EXOC6: variants seen among roughly 807,000 people sequenced by gnomAD.
EXOC6 encodes SEC15-like 1.
EXOC6 carries 60 observed loss-of-function variants against 112.5 expected under a neutral mutation model. That is an observed-to-expected ratio of 0.53 (90% confidence interval 0.43 to 0.66). The LOEUF is 0.66. EXOC6 is among the 30% of genes least tolerant of loss of function. EXOC6 has a pLI of 0.00. For synonymous variants in EXOC6, 295 were observed against 308.0 expected, an observed-to-expected ratio of 0.96 and a Z score of 0.44; for missense variants, 855 against 957.1, an observed-to-expected ratio of 0.89 and a Z score of 1.41.
Position 92,954,729 on chromosome 10 carries a change from AG to A in EXOC6, c.1628del (p.Gly543ValfsTer2), listed in dbSNP as rs781177610. On this transcript the variant is annotated frameshift_variant, in exon 16 of 22. Coordinates refer to ENST00000260762, the MANE Select transcript of EXOC6 (RefSeq NM_019053.6). LOFTEE classifies it high-confidence loss of function. Reference sequence around the variant, plus strand: ...TGAACCTTATTAGAAAACCTCATATAGGTTTGACAGAGGTAGGTTAAAAAGA... The same window carrying A: ...TGAACCTTATTAGAAAACCTCATATAGTTTGACAGAGGTAGGTTAAAAAGA... Reference protein sequence around the residue: ...LLNLIRKPHIGLTELVQIIIN... With the variant: ...LLNLIRKPHIXLTELVQIIIN... 1 of 1,527,718 alleles carries A rather than the reference AG, an allele frequency of 6.5e-7. No individual in the cohort carries two copies. Among genetic ancestry groups the A allele is most frequent in the Non-Finnish European group, 9.0e-7 (1 of 1,105,800 alleles). 94.6% of individuals were successfully genotyped at this position (1,527,718 alleles called of 1,614,324 possible). A position where few individuals can be genotyped will look rare whatever the true frequency, so the allele number is the denominator to read the frequency against.
intron 12 of EXOC6, among the ~76,000 whole-genome samples, chr10:92,939,661 A>T (rs761271321): frequency 1.7e-4 from 26 of 152,114 alleles, no homozygotes; most frequent in Non-Finnish European, 3.2e-4. Flanking sequence ...TAATCATCAG[A>T]GGTTGAAATC....
At chr10:93,001,541 G>A (rs1166128378) in intron 19 of EXOC6, among the ~76,000 whole-genome samples, 1 of 152,164 alleles carries the variant, frequency 6.6e-6, no homozygotes, top group Non-Finnish European at 1.5e-5. Context: ...TAGAAAAGGT[G>A]TTCTCAGTAA....
At chr10:92,909,726 AT>A in intron 6 of EXOC6, 95 bp downstream of exon 6, 1 of 746,722 alleles carries the variant, frequency 1.3e-6, no homozygotes, top group South Asian at 2.2e-5. Flanking sequence ...TAAAATGCTT[AT>A]TTTTGTTTTA....
intron 1 of EXOC6, among the ~76,000 whole-genome samples, chr10:92,865,348 C>T (rs907233210): frequency 6.6e-6 from 1 of 151,930 alleles, no homozygotes; most frequent in Admixed American, 6.6e-5. Flanking sequence ...AGCCTGGCCA[C>T]CATGGTGAAA....
intron 20 of EXOC6, among the ~76,000 whole-genome samples, chr10:93,056,036 AAAAG>A (rs1260697146): frequency 1.3e-5 from 2 of 152,236 alleles, no homozygotes; most frequent in Non-Finnish European, 2.9e-5. Context: ...AGTTAAAACA[AAAAG>A]AAAGAATATA....
chr10:92,967,337 A>G (rs1842111502), intron 17 of EXOC6, among the ~76,000 whole-genome samples: 1 of 152,066 alleles, frequency 6.6e-6, no homozygotes, highest in African/African-American at 2.4e-5. Context: ...CTTCTTTCAG[A>G]TAAAAATAGT....
chr10:92,882,130 G>T (rs1848995621), intron 1 of EXOC6, among the ~76,000 whole-genome samples: 1 of 152,168 alleles, frequency 6.6e-6, no homozygotes, highest in African/African-American at 2.4e-5. Context: ...AAGAGTACTG[G>T]ATATGATACT....
chr10:92,951,295 A>G (rs1853397560), intron 14 of EXOC6, among the ~76,000 whole-genome samples: 2 of 152,190 alleles, frequency 1.3e-5, no homozygotes, highest in Admixed American at 6.5e-5. Flanking sequence ...CAAGAAAAGT[A>G]TATGTAGTAG....
At chr10:93,053,455 C>T (rs560847443) in intron 20 of EXOC6, among the ~76,000 whole-genome samples, 64 of 152,308 alleles carry the variant, frequency 4.2e-4, no homozygotes, top group African/African-American at 1.3e-3. Flanking sequence ...GAAATATTAA[C>T]GCTACTTTCT....
At chr10:93,014,683 T>G (rs1162685874) in intron 20 of EXOC6, among the ~76,000 whole-genome samples, 1 of 152,128 alleles carries the variant, frequency 6.6e-6, no homozygotes, top group African/African-American at 2.4e-5. Context: ...TGCATAAAAT[T>G]TTTTCAATGG....
At chr10:92,972,597 A>G (rs1040489627) in intron 17 of EXOC6, among the ~76,000 whole-genome samples, 1 of 152,110 alleles carries the variant, frequency 6.6e-6, no homozygotes, top group East Asian at 1.9e-4. Context: ...ATAGTATGTT[A>G]TGAGTGTACA....
In EXOC6 at chr10:92,848,563, C is replaced by T. The variant is rs747697205; in HGVS notation, c.30C>T (p.Thr10=). MAENSESLG[T]VPEHERILQE... ...CGGAGAACAGCGAGAGTCTGGGCAC[C>T]GTCCCCGAGCACGAGCGGATCTTGC... The change falls in exon 1 of 22, where the codon ACC becomes ACT. Residue 10 remains threonine (T), a synonymous_variant. Coordinates refer to ENST00000260762, the MANE Select transcript of EXOC6 (RefSeq NM_019053.6). The T allele has an allele frequency of 8.3e-6, 12 of 1,447,474 alleles. No homozygotes were observed. The highest frequency in any genetic ancestry group is 1.5e-5 in the African/African-American group (1 of 67,068). 89.7% of individuals were successfully genotyped at this position (1,447,474 alleles called of 1,614,324 possible).
intron 8 of EXOC6, among the ~76,000 whole-genome samples, chr10:92,920,609 G>T (rs543545937): frequency 9.2e-5 from 14 of 152,290 alleles, no homozygotes; most frequent in Non-Finnish European, 1.8e-4. Context: ...GTTAGATGTA[G>T]TTGGTTTATA....
At chr10:93,000,830 A>G (rs992615284) in intron 19 of EXOC6, among the ~76,000 whole-genome samples, 32 of 152,178 alleles carry the variant, frequency 2.1e-4, no homozygotes, top group African/African-American at 5.8e-4. Flanking sequence ...GTAATATAGC[A>G]TGGATAAAGA....
At chr10:92,950,280 ACTAT>A (rs1229672002) in intron 14 of EXOC6, among the ~76,000 whole-genome samples, 7 of 152,156 alleles carry the variant, frequency 4.6e-5, no homozygotes, top group African/African-American at 1.7e-4. Flanking sequence ...AATATATAAA[ACTAT>A]CAAATAACTT....
At chr10:93,007,022 C>A (rs17108036) in intron 19 of EXOC6, among the ~76,000 whole-genome samples, 2 of 151,196 alleles carry the variant, frequency 1.3e-5, no homozygotes, top group Admixed American at 1.3e-4. Flanking sequence ...TTCTTCCTAC[C>A]CTGTATGGAT....
rs545748717 is a variant in EXOC6 at position 93,023,189 on chromosome 10, G to T, written c.2169+8922G>T. Among the ~76,000 whole-genome samples the T allele has an allele frequency of 1.4e-3, 219 of 152,158 alleles. 1 individual carries two copies. The highest frequency in any genetic ancestry group is 1.7e-3 in the Non-Finnish European group (117 of 67,988). On this transcript the variant is annotated intron_variant, in intron 20 of 21. Coordinates refer to ENST00000260762, the MANE Select transcript of EXOC6 (RefSeq NM_019053.6). ...GATTAGGAAGTAGGTCCAGTGGTCA[G>T]ATTTTACCTGCCCACCCGGACTTTG...
intron 19 of EXOC6, among the ~76,000 whole-genome samples, chr10:93,012,050 A>AGGG (rs1209079245): frequency 6.6e-6 from 1 of 152,196 alleles, no homozygotes; most frequent in African/African-American, 2.4e-5. Flanking sequence ...CCAAGAACAA[A>AGGG]GGGGGAAAAG....
intron 1 of EXOC6, among the ~76,000 whole-genome samples, chr10:92,865,851 AAAGT>A (rs1436017545): frequency 6.6e-6 from 1 of 152,168 alleles, no homozygotes; most frequent in East Asian, 1.9e-4. Context: ...TTCTTACAAT[AAAGT>A]AAGTGAGAGA....
Sources: gnomAD v4.1 joint callset for allele counts (sites outside exome capture counted in the v4.1 genomes callset) on GRCh38, gnomAD v4.1.1 for gene constraint, MANE v1.5 for transcripts, NCBI Gene and HGNC (gene_info 2026-07-23, HGNC 2026-07-21) for gene names.